Variants in SNAP91 observed in about 807,000 individuals in gnomAD.
SNAP91 encodes the protein synaptosome associated protein 91, also known as clathrin coat assembly protein AP180.
In SNAP91, 27 loss-of-function variants were observed where a neutral mutation model predicts 100.3. The observed-to-expected ratio is 0.27, with a 90% CI of 0.20 to 0.37. SNAP91 has a LOEUF of 0.37. Ranked by LOEUF, SNAP91 falls within the 10% of genes least tolerant of loss-of-function variation. The probability of loss-of-function intolerance (pLI) is 1.00; values close to 1 mark genes in which losing one functional copy is unlikely to be tolerated. For synonymous variants in SNAP91, 404 were observed against 398.6 expected (o/e 1.01, Z -0.16); for missense variants, 986 against 1,123.7 (o/e 0.88, Z 1.75).
intron 26 of SNAP91, among the ~76,000 whole-genome samples, chr6:83,561,361 T>G (rs1208616187): frequency 6.6e-6 from 1 of 152,218 alleles, no homozygotes; most frequent in Non-Finnish European, 1.5e-5. Flanking sequence ...AATTTGGTTT[T>G]AAAATGACAG....
chr6:83,655,286 T>C (rs147825731), intron 7 of SNAP91, among the ~76,000 whole-genome samples: 41 of 152,316 alleles, frequency 2.7e-4, no homozygotes, highest in East Asian at 2.3e-3. Context: ...GGTGGCAACA[T>C]AGAGGACATG....
rs1011042613 is a variant in SNAP91 at position 83,707,398 on chromosome 6, TC to T, written c.130+399del. 9.2e-5 allele frequency among the ~76,000 whole-genome samples: 14 copies of T among 151,450 alleles called. No homozygotes were observed. In the East Asian group the frequency reaches 2.7e-3, roughly 29 times the overall value. ...ACAAGTTTGACCTTCCATAAATTCATCTTTTTTTTTTTTGACTGTGCAACCT... is the reference window on the plus strand; with the variant it reads ...ACAAGTTTGACCTTCCATAAATTCATTTTTTTTTTTTTGACTGTGCAACCT... On this transcript the variant is annotated intron_variant, in intron 2 of 29. Transcript: ENST00000369694.
chr6:83,563,837 T>C (rs1272427266), intron 26 of SNAP91, among the ~76,000 whole-genome samples: 1 of 152,132 alleles, frequency 6.6e-6, no homozygotes. Context: ...TATAGAACAT[T>C]GTTGAAAGAA....
intron 2 of SNAP91, among the ~76,000 whole-genome samples, chr6:83,675,382 CTTTAG>C (rs1427681501): frequency 1.3e-5 from 2 of 152,046 alleles, no homozygotes; most frequent in African/African-American, 4.8e-5. Context: ...ACATTATTTA[CTTTAG>C]TTGATATACC....
At chr6:83,697,489 T>A (rs1254748040) in intron 2 of SNAP91, among the ~76,000 whole-genome samples, 1 of 152,154 alleles carries the variant, frequency 6.6e-6, no homozygotes, top group Non-Finnish European at 1.5e-5. Context: ...ATGGATATAA[T>A]TGTTAAAATC....
intron 7 of SNAP91, among the ~76,000 whole-genome samples, chr6:83,649,211 C>G (rs970591641): frequency 6.6e-6 from 1 of 152,196 alleles, no homozygotes; most frequent in Non-Finnish European, 1.5e-5. Flanking sequence ...AGTGGCTTAG[C>G]TGGATGATTC....
intron 24 of SNAP91, 71 bp from the exon 25 acceptor site, chr6:83,576,124 T>C (rs1032662134): frequency 6.3e-6 from 5 of 787,968 alleles, no homozygotes; most frequent in South Asian, 1.9e-5. Context: ...ATTTAAAAGA[T>C]CAAATAATCA....
intron 2 of SNAP91, chr6:83,678,769 A>C: frequency 1.6e-6 from 2 of 1,289,582 alleles, no homozygotes; most frequent in Non-Finnish European, 2.0e-6. Context: ...GGCCTTACCA[A>C]AGCCTTACTG....
chr6:83,577,127 G>A (rs951466577), intron 24 of SNAP91, among the ~76,000 whole-genome samples: 3 of 152,138 alleles, frequency 2.0e-5, no homozygotes, highest in Non-Finnish European at 4.4e-5. Flanking sequence ...GGGTGCTTGG[G>A]GAAGGATTCA....
At chr6:83,694,883 G>A (rs1323981693) in intron 2 of SNAP91, among the ~76,000 whole-genome samples, 1 of 152,000 alleles carries the variant, frequency 6.6e-6, no homozygotes, top group East Asian at 1.9e-4. Flanking sequence ...TGACTAATAC[G>A]GGTATAAATT....
At chr6:83,622,304 A>G (rs1284213015) in intron 9 of SNAP91, among the ~76,000 whole-genome samples, 1 of 152,040 alleles carries the variant, frequency 6.6e-6, no homozygotes, top group Non-Finnish European at 1.5e-5. Flanking sequence ...AATACAAATA[A>G]CATTTCTTTG....
At chr6:83,595,189 C>T (rs2094320120) in intron 16 of SNAP91, among the ~76,000 whole-genome samples, 1 of 152,010 alleles carries the variant, frequency 6.6e-6, no homozygotes, top group Non-Finnish European at 1.5e-5. Flanking sequence ...CTAAGCATTC[C>T]TAAGTGTTAA....
intron 8 of SNAP91, among the ~76,000 whole-genome samples, chr6:83,628,134 A>C (rs749516724): frequency 6.0e-5 from 9 of 151,122 alleles, no homozygotes; most frequent in Non-Finnish European, 5.9e-5. Flanking sequence ...GAGTTACTTC[A>C]CTTAGAATAA....
At chr6:83,600,743 G>A (rs1299163869) in intron 16 of SNAP91, among the ~76,000 whole-genome samples, 1 of 152,114 alleles carries the variant, frequency 6.6e-6, no homozygotes, top group Non-Finnish European at 1.5e-5. Flanking sequence ...TTTTTATTTG[G>A]ACAGAACAAA....
At chr6:83,706,526 C>G (rs2099385673) in intron 2 of SNAP91, among the ~76,000 whole-genome samples, 1 of 152,208 alleles carries the variant, frequency 6.6e-6, no homozygotes, top group African/African-American at 2.4e-5. Context: ...CTTCTAGAAA[C>G]AAAATTATTC....
chr6:83,698,339 A>G lies in SNAP91; in HGVS notation c.130+9459T>C, dbSNP rs1042821559. Among the ~76,000 whole-genome samples, 12 of 151,820 alleles carry G rather than the reference A, an allele frequency of 7.9e-5. 1 individual carries two copies. The highest frequency in any genetic ancestry group is 9.6e-5 in the African/African-American group (4 of 41,472). ...AATCTCCAAGGCCAAAAAAAAAAAAAAAAGAAAGAAATTGCAGAAAACCAC... is the reference window on the plus strand; with the variant it reads ...AATCTCCAAGGCCAAAAAAAAAAAAGAAAGAAAGAAATTGCAGAAAACCAC... On this transcript the variant is annotated intron_variant, in intron 2 of 29. Coordinates refer to ENST00000369694, the MANE Select transcript of SNAP91 (RefSeq NM_001242792.2).
rs751844969 is a variant in SNAP91 at position 83,641,144 on chromosome 6, T to C, written c.717A>G (p.Arg239=). The change falls in exon 8 of 30, where the codon CGA becomes CGG. Residue 239 remains arginine, a synonymous_variant. Transcript: ENST00000369694. ...QCKDALEIYK[R]FLTRMTRVSE... Reference sequence around the variant, plus strand: ...ACACTCGTGTCATTCTAGTTAGAAATCGTTTGTAAATTTCTAGAGCATCTT... The same window carrying C: ...ACACTCGTGTCATTCTAGTTAGAAACCGTTTGTAAATTTCTAGAGCATCTT... 1.3e-6 allele frequency: 2 copies of C among 1,549,478 alleles called. No homozygotes were observed. Among genetic ancestry groups the C allele is most frequent in the South Asian group, 1.2e-5 (1 of 80,592 alleles).
chr6:83,570,272 T>A (rs1804529065), intron 26 of SNAP91, among the ~76,000 whole-genome samples: 1 of 152,146 alleles, frequency 6.6e-6, no homozygotes, highest in Admixed American at 6.5e-5. Context: ...GTGGAATAAA[T>A]TTCTAAGCTG....
chr6:83,657,649 T>C (rs1018375059), intron 6 of SNAP91, among the ~76,000 whole-genome samples: 2 of 152,216 alleles, frequency 1.3e-5, no homozygotes, highest in Non-Finnish European at 2.9e-5. Context: ...GATGCTAAGT[T>C]ACTAAAATTT....
Sources: gnomAD v4.1 joint callset for allele counts (sites outside exome capture counted in the v4.1 genomes callset) on GRCh38, gnomAD v4.1.1 for gene constraint, MANE v1.5 for transcripts, NCBI Gene and HGNC (gene_info 2026-07-23, HGNC 2026-07-21) for gene names.